Variants in AKAP17A observed in about 807,000 individuals in gnomAD.
AKAP17A encodes the protein A-kinase anchor protein 17A.
AKAP17A carries 15 observed loss-of-function variants against 52.2 expected under a neutral mutation model. That is an observed-to-expected ratio of 0.29 (90% CI 0.19 to 0.44). The LOEUF is 0.44. AKAP17A is among the 20% of genes least tolerant of loss of function. The pLI is 1.00. For synonymous variants in AKAP17A, 514 were observed against 424.7 expected (o/e 1.21, Z -2.58); for missense variants, 1,060 against 1,007.0 (o/e 1.05, Z -0.71).
chrX:1,600,926 G>C lies in AKAP17A; in HGVS notation c.1420G>C (p.Val474Leu). The C allele has an allele frequency of 6.3e-7, 1 of 1,575,108 alleles. No homozygotes were observed. The highest frequency in any genetic ancestry group is 1.1e-5 in the South Asian group (1 of 87,534). Reference protein sequence around the residue: ...LQPVLDILQTVSSGCVSATTL... With the variant: ...LQPVLDILQTLSSGCVSATTL... The stretch of plus-strand genomic sequence containing the variant: ...GCCCGTCCTGGACATCCTGCAGACC[G>C]TGTCGTCCGGCTGTGTGAGCGCCAC... The change falls in exon 5 of 5, where the codon GTG (valine) becomes CTG (leucine). Residue 474 changes from valine (V) to leucine (L), a missense_variant. Coordinates refer to ENST00000313871, the MANE Select transcript of AKAP17A (RefSeq NM_005088.3).
chrX:1,599,846 G>A, intron 4 of AKAP17A: 1 of 591,758 alleles, frequency 1.7e-6, no homozygotes, highest in Admixed American at 3.0e-5. Flanking sequence ...AAGGTGGGCT[G>A]GGGGGAGGGC....
At chrX:1,597,463 G>A (rs1413475929) in intron 3 of AKAP17A, among the ~76,000 whole-genome samples, 1 of 152,150 alleles carries the variant, frequency 6.6e-6, no homozygotes, top group Non-Finnish European at 1.5e-5. Context: ...CCCTGGGAGG[G>A]GCGGTTCGGA....
Position 1,601,873 on chromosome X carries a change from A to G in AKAP17A, c.*279A>G, listed in dbSNP as rs2070476672. ...TGCGGCCGGTCCTCTCTCAGTCAGG[A>G]AAATTGCACAGACCGACAGTCGTGA... On this transcript the variant is annotated 3_prime_UTR_variant, in exon 5 of 5. Coordinates refer to ENST00000313871, the MANE Select transcript of AKAP17A (RefSeq NM_005088.3). 1 of 378,766 alleles carries G rather than the reference A, an allele frequency of 2.6e-6. No homozygotes were observed. The highest frequency in any genetic ancestry group is 4.4e-5 in the Admixed American group (1 of 22,548). The allele number at this position is 378,766 out of a possible 1,614,324, so 23.5% of individuals were successfully genotyped here. A position where few individuals can be genotyped will look rare whatever the true frequency, so the allele number is the denominator to read the frequency against.
rs369342909 is a variant in AKAP17A, at chrX:1,600,778, G to C, written c.1272G>C (p.Ala424=). The part of the protein sequence containing the change: ...LRRVEEEKER[A]LGLQRKEREL... Reference sequence around the variant, plus strand: ...GCGTGGAGGAGGAGAAGGAGCGCGCGCTGGGCCTGCAGCGGAAAGAGCGGG... The same window carrying C: ...GCGTGGAGGAGGAGAAGGAGCGCGCCCTGGGCCTGCAGCGGAAAGAGCGGG... The change falls in exon 5 of 5, where the codon GCG becomes GCC. Residue 424 remains alanine, a synonymous_variant. Transcript: ENST00000313871. The C allele has an allele frequency of 6.3e-7, 1 of 1,577,110 alleles. No homozygotes were observed. Among genetic ancestry groups the C allele is most frequent in the Non-Finnish European group, 8.6e-7 (1 of 1,166,510 alleles).
rs749751789 is a variant in AKAP17A, at chrX:1,600,965, C to G, written c.1459C>G (p.Leu487Val). 2 of 1,589,596 alleles carry G rather than the reference C, an allele frequency of 1.3e-6. No homozygotes were observed. Among genetic ancestry groups the G allele is most frequent in the East Asian group, 4.6e-5 (2 of 43,648 alleles). The change falls in exon 5 of 5, where the codon CTC becomes GTC. Residue 487 changes from leucine to valine, a missense_variant. By Grantham distance (32) the Leu-to-Val change is conservative. Transcript: ENST00000313871. ...TGTGAGCGCCACCACGCTGCACCCC[C>G]TCGGGGGCCAGCCCCCGGCCGGTGC... Reference protein sequence around the residue: ...GCVSATTLHPLGGQPPAGAPK... With the variant: ...GCVSATTLHPVGGQPPAGAPK...
At position 1,601,008 on chromosome X, in the gene AKAP17A, C is replaced by T; in HGVS notation, c.1502C>T (p.Ala501Val). ...PPAGAPKESP[A>V]HPEADGAPKS... ...GCCGGTGCCCCCAAGGAGAGCCCGG[C>T]CCACCCAGAGGCCGACGGCGCTCCC... is the stretch of plus-strand genomic sequence containing the variant. Residue 501 changes from alanine (A) to valine (V), a missense_variant, in exon 5 of 5, where the codon GCC becomes GTC. Coordinates refer to ENST00000313871, the MANE Select transcript of AKAP17A (RefSeq NM_005088.3). The T allele has an allele frequency of 1.2e-6, 2 of 1,607,306 alleles. No homozygotes were observed. The highest frequency in any genetic ancestry group is 2.2e-5 in the South Asian group (2 of 90,562).
intron 4 of AKAP17A, 24 bp from the exon 5 acceptor site, chrX:1,600,635 G>T: frequency 1.3e-6 from 2 of 1,515,526 alleles, no homozygotes; most frequent in Non-Finnish European, 1.8e-6. Context: ...ACCGGGCTCA[G>T]CTGCACTTTC....
At chrX:1,597,090 G>A (rs1381694417) in intron 3 of AKAP17A, among the ~76,000 whole-genome samples, 1 of 152,202 alleles carries the variant, frequency 6.6e-6, no homozygotes, top group East Asian at 1.9e-4. Flanking sequence ...GAGTTGGTCC[G>A]TTTTGTTTCC....
rs746699073 is a variant in AKAP17A at position 1,601,523 on chromosome X, C to T, written c.2017C>T (p.Arg673Cys). The change falls in exon 5 of 5, where the codon CGC becomes TGC. Residue 673 changes from arginine (R) to cysteine (C), a missense_variant. By Grantham distance (180) the Arg-to-Cys change is radical. This residue lies in a region of AKAP17A where 793 missense variants were observed against 629.9 expected (regional missense o/e 1.26). Transcript: ENST00000313871. ...RRGSASRKHS[R>C]HRRRSERSRS... is the part of the protein sequence containing the mutation. ...GGGCAGCGCCAGCAGGAAGCACAGC[C>T]GCCACCGCCGCCGAAGCGAGCGGTC... 11 of 1,493,524 alleles carry T rather than the reference C, an allele frequency of 7.4e-6. No individual in the cohort carries two copies. The highest frequency in any genetic ancestry group is 2.4e-5 in the Admixed American group (1 of 41,432). 92.5% of individuals were successfully genotyped at this position (1,493,524 alleles called of 1,614,324 possible).
chrX:1,599,318 G>A lies in AKAP17A; in HGVS notation c.1038G>A (p.Ala346=), dbSNP rs148944252. 5.1e-5 allele frequency: 82 copies of A among 1,607,584 alleles called. No homozygotes were observed. The highest frequency in any genetic ancestry group is 8.0e-5 in the African/African-American group (6 of 74,850). Residue 346 remains alanine, a synonymous_variant, in exon 4 of 5, where the codon GCG becomes GCA. Transcript: ENST00000313871. ...AGAAGAAGCTGGAGAAGCTGCAGGC[G>A]GAGGAGCAGAAGCAGCTGCAGGAGA... The part of the protein sequence containing the change: ...RNQKKLEKLQ[A]EEQKQLQEKI...
At chrX:1,599,882 G>A in intron 4 of AKAP17A, 1 of 574,660 alleles carries the variant, frequency 1.7e-6, no homozygotes, top group East Asian at 2.9e-5. Context: ...GGCCTGCCGT[G>A]GGCCCGGGTC....
chrX:1,595,797 G>C (rs1483313323), intron 3 of AKAP17A, among the ~76,000 whole-genome samples: 1 of 152,142 alleles, frequency 6.6e-6, no homozygotes, highest in Non-Finnish European at 1.5e-5. Context: ...GTGAGCTCGT[G>C]TGTGTACCTG....
rs780109371 is a variant in AKAP17A at position 1,601,233 on chromosome X, A to G, written c.1727A>G (p.Gln576Arg). Residue 576 changes from glutamine to arginine, a missense_variant, in exon 5 of 5, where the codon CAG (glutamine) becomes CGG (arginine). Physicochemically the swap from Gln to Arg is conservative, Grantham distance 43 (BLOSUM62 1). Coordinates refer to ENST00000313871, the MANE Select transcript of AKAP17A (RefSeq NM_005088.3). ...NVSRKDTRSE[Q>R]DKCNREPSKG... ...TCCAGAAAGGACACCCGGTCAGAAC[A>G]GGACAAGTGCAACCGGGAGCCCAGC... The G allele has an allele frequency of 6.2e-6, 10 of 1,613,720 alleles. No individual in the cohort carries two copies. The highest frequency in any genetic ancestry group is 8.5e-6 in the Non-Finnish European group (10 of 1,179,786).
intron 4 of AKAP17A, chrX:1,599,850 G>T (rs1933256845): frequency 1.7e-6 from 1 of 593,532 alleles, no homozygotes; most frequent in Admixed American, 3.0e-5. Context: ...TGGGCTGGGG[G>T]GAGGGCTGAG....
rs771919803 is a variant in AKAP17A at position 1,601,175 on chromosome X, C to T, written c.1669C>T (p.Pro557Ser). The T allele has an allele frequency of 4.3e-6, 7 of 1,613,808 alleles. No individual in the cohort carries two copies. The African/African-American group carries it at 9.3e-5, about 22-fold the overall frequency. ...LSCIPDNNQQ[P>S]KGIPACEQNV... ...CTGCATTCCTGACAACAACCAACAG[C>T]CCAAGGGCATCCCTGCCTGCGAGCA... The change falls in exon 5 of 5, where the codon CCC (proline) becomes TCC (serine). Residue 557 changes from proline (P) to serine (S), a missense_variant. Pro to Ser is a moderately conservative substitution (Grantham distance 74, BLOSUM62 -1). This residue lies in a region of AKAP17A where 793 missense variants were observed against 629.9 expected (regional missense o/e 1.26). Transcript: ENST00000313871.
Position 1,601,248 on chromosome X carries a change from G to T in AKAP17A, c.1742G>T (p.Arg581Leu). ...DTRSEQDKCN[R>L]EPSKGRGRAT... ...CGGTCAGAACAGGACAAGTGCAACC[G>T]GGAGCCCAGCAAGGGCCGGGGCCGG... Residue 581 changes from arginine to leucine, a missense_variant, in exon 5 of 5, where the codon CGG (arginine) becomes CTG (leucine). Around this residue, in one of 2 missense-constraint regions of AKAP17A, gnomAD observed 793 missense variants for 629.9 expected, o/e 1.26. Transcript: ENST00000313871. 1.2e-6 allele frequency: 2 copies of T among 1,613,688 alleles called. No homozygotes were observed. The highest frequency in any genetic ancestry group is 1.7e-6 in the Non-Finnish European group (2 of 1,179,720).
chrX:1,597,356 G>C (rs1405819268), intron 3 of AKAP17A, among the ~76,000 whole-genome samples: 1 of 152,208 alleles, frequency 6.6e-6, no homozygotes, highest in Non-Finnish European at 1.5e-5. Context: ...GCCCATGTCA[G>C]CCGTCAGGAT....
intron 3 of AKAP17A, among the ~76,000 whole-genome samples, chrX:1,596,973 A>G (rs1351133360): frequency 6.6e-6 from 1 of 150,436 alleles, no homozygotes; most frequent in African/African-American, 2.4e-5. Flanking sequence ...GTGTCCTCTG[A>G]CGACTTTGGT....
Position 1,601,894 on chromosome X carries a change from C to T in AKAP17A, c.*300C>T, listed in dbSNP as rs192394128. On this transcript the variant is annotated 3_prime_UTR_variant, in exon 5 of 5. Coordinates refer to ENST00000313871, the MANE Select transcript of AKAP17A (RefSeq NM_005088.3). ...CAGGAAAATTGCACAGACCGACAGT[C>T]GTGAGGATGGCAGAGCTGCTGCATT... 4 of 348,386 alleles carry T rather than the reference C, an allele frequency of 1.1e-5. No homozygotes were observed. Among genetic ancestry groups the T allele is most frequent in the East Asian group, 4.3e-5 (1 of 23,492 alleles). The allele number at this position is 348,386 out of a possible 1,614,324, so 21.6% of individuals were successfully genotyped here. A position where few individuals can be genotyped will look rare whatever the true frequency, so the allele number is the denominator to read the frequency against.
Sources: gnomAD v4.1 joint callset for allele counts (sites outside exome capture counted in the v4.1 genomes callset) on GRCh38, gnomAD v4.1.1 for gene constraint, gnomAD v4.1.1 regional missense constraint, MANE v1.5 for transcripts, NCBI Gene and HGNC (gene_info 2026-07-23, HGNC 2026-07-21) for gene names.